Variants in TMEM41B observed in about 807,000 individuals in gnomAD.
TMEM41B encodes the protein protein stasimon.
TMEM41B carries 18 observed loss-of-function variants against 31.9 expected under a neutral mutation model. The observed-to-expected ratio is 0.56, with a 90% CI of 0.39 to 0.84. The LOEUF is 0.84. Among genes scored for constraint, TMEM41B ranks in the 40% least tolerant of loss-of-function variants. The pLI, the probability that TMEM41B is intolerant of heterozygous loss-of-function variation, is 0.00. For synonymous variants in TMEM41B, 144 were observed against 124.3 expected, an observed-to-expected ratio of 1.16 and a Z score of -1.05; for missense variants, 322 against 348.0, an observed-to-expected ratio of 0.93 and a Z score of 0.59.
intron 3 of TMEM41B, among the ~76,000 whole-genome samples, chr11:9,288,777 G>T (rs1036351396): frequency 1.3e-5 from 2 of 152,032 alleles, no homozygotes; most frequent in African/African-American, 4.8e-5. Context: ...GGGCACTTTG[G>T]GGGAGGAACA....
chr11:9,291,402 TA>T (rs1852956248), intron 3 of TMEM41B, among the ~76,000 whole-genome samples: 1 of 90,894 alleles, frequency 1.1e-5, no homozygotes. Flanking sequence ...ATAATAATAA[TA>T]AAAATAAATT....
In TMEM41B at chr11:9,301,287, T is replaced by C. The variant is rs576333396; in HGVS notation, c.122-1586A>G. 2.1e-4 allele frequency among the ~76,000 whole-genome samples: 32 copies of C among 151,164 alleles called. 1 individual carries two copies. Among genetic ancestry groups the C allele is most frequent in the Non-Finnish European group, 7.4e-5 (5 of 67,678 alleles). On this transcript the variant is annotated intron_variant, in intron 1 of 6. Transcript: ENST00000528080. The stretch of plus-strand genomic sequence containing the variant: ...GTGGGCGCCTGTAGTCCCAGCTACT[T>C]GGGAGGCTGGGGCAGGAGAATGGCA...
At position 9,314,375 on chromosome 11, in the gene TMEM41B, C is replaced by CG; in HGVS notation, c.66dup (p.Gly23ArgfsTer51). ...GCGAGACCCCGCGTCCCCGCTGCCC[C>CG]GTCCCCCACGGGGGTCGTGTGGTGA... is the stretch of plus-strand genomic sequence containing the variant. On this transcript the variant is annotated frameshift_variant, in exon 1 of 7. Coordinates refer to ENST00000528080, the MANE Select transcript of TMEM41B (RefSeq NM_015012.4). LOFTEE classifies it high-confidence loss of function. 6.3e-7 allele frequency: 1 copy of CG among 1,581,314 alleles called. No individual in the cohort carries two copies. The highest frequency in any genetic ancestry group is 8.6e-7 in the Non-Finnish European group (1 of 1,164,566).
intron 1 of TMEM41B, among the ~76,000 whole-genome samples, chr11:9,312,915 A>G (rs1018057397): frequency 6.7e-6 from 1 of 149,652 alleles, no homozygotes; most frequent in Admixed American, 6.7e-5. Flanking sequence ...AAAAAAAAAA[A>G]AAAAAAAAGA....
At chr11:9,299,314 A>G (rs1282111825) in intron 2 of TMEM41B, among the ~76,000 whole-genome samples, 1 of 68,746 alleles carries the variant, frequency 1.5e-5, no homozygotes, top group Non-Finnish European at 3.1e-5. Flanking sequence ...AAGAAAGTAT[A>G]TATACATACA....
In TMEM41B at chr11:9,280,790, G is replaced by C. The variant is rs1205546742; in HGVS notation, c.*2634C>G. On this transcript the variant is annotated 3_prime_UTR_variant, in exon 7 of 7. Coordinates refer to ENST00000528080, the MANE Select transcript of TMEM41B (RefSeq NM_015012.4). ...AAGAAAGAACAGTTTCACTTTCTTA[G>C]CTTGTCAACTCCTAGTTAGCCTGCT... 2 of 152,194 alleles carry C rather than the reference G, an allele frequency of 1.3e-5. No homozygotes were observed. Among genetic ancestry groups the C allele is most frequent in the African/African-American group, 4.8e-5 (2 of 41,456 alleles). The allele number at this position is 152,194 out of a possible 1,614,324, so 9.4% of individuals were successfully genotyped here. A position where few individuals can be genotyped will look rare whatever the true frequency, so the allele number is the denominator to read the frequency against.
chr11:9,301,716 T>C (rs1343538334), intron 1 of TMEM41B, among the ~76,000 whole-genome samples: 1 of 152,184 alleles, frequency 6.6e-6, no homozygotes, highest in African/African-American at 2.4e-5. Flanking sequence ...AAATCATTAC[T>C]GGCTGACCAG....
chr11:9,283,675 T>C, intron 6 of TMEM41B, 82 bp from the exon 7 acceptor site: 2 of 1,242,540 alleles, frequency 1.6e-6, no homozygotes, highest in Middle Eastern at 2.3e-4. Flanking sequence ...GCATAAAGTT[T>C]CTTAAAACAA....
At position 9,283,520 on chromosome 11, in the gene TMEM41B, A is replaced by G; in HGVS notation, c.780T>C (p.Ala260=). ...TLYQLTTAGE[A]VSWNSIFILM... is the part of the protein sequence containing the mutation. ...GAATAAATATTGAGTTCCAGGAAAC[A>G]GCTTCTCCTGCTGTTGTAAGTTGAT... Residue 260 remains alanine (A), a synonymous_variant, in exon 7 of 7, where the codon GCT becomes GCC. Coordinates refer to ENST00000528080, the MANE Select transcript of TMEM41B (RefSeq NM_015012.4). 1 of 1,613,700 alleles carries G rather than the reference A, an allele frequency of 6.2e-7. No homozygotes were observed. Among genetic ancestry groups the G allele is most frequent in the Non-Finnish European group, 8.5e-7 (1 of 1,179,846 alleles).
At position 9,303,073 on chromosome 11, in the gene TMEM41B, G is replaced by A. The variant is rs1427220493; in HGVS notation, c.122-3372C>T. Among the ~76,000 whole-genome samples, 2 of 122,028 alleles carry A rather than the reference G, an allele frequency of 1.6e-5. 1 individual carries two copies. The highest frequency in any genetic ancestry group is 6.3e-5 in the African/African-American group (2 of 31,866). 80.1% of individuals were successfully genotyped at this position (122,028 alleles called of 152,430 possible). On this transcript the variant is annotated intron_variant, in intron 1 of 6. Transcript: ENST00000528080. Reference sequence around the variant, plus strand: ...GCTCTGTTGCCCAGGCTGGACTGCAGTGGCACGATCTCGGCTCACTGCAAC... The same window carrying A: ...GCTCTGTTGCCCAGGCTGGACTGCAATGGCACGATCTCGGCTCACTGCAAC...
chr11:9,287,066 G>A (rs1176561277), intron 5 of TMEM41B, among the ~76,000 whole-genome samples: 1 of 152,018 alleles, frequency 6.6e-6, no homozygotes, highest in Admixed American at 6.6e-5. Context: ...AGCACTTTGG[G>A]AGGTTGAGGC....
chr11:9,285,528 C>T (rs559705151), intron 6 of TMEM41B, among the ~76,000 whole-genome samples: 2 of 151,960 alleles, frequency 1.3e-5, no homozygotes, highest in Admixed American at 6.6e-5. Context: ...CAATTCAACT[C>T]GAACTGGAAA....
At chr11:9,307,647 G>A (rs1020667301) in intron 1 of TMEM41B, among the ~76,000 whole-genome samples, 2 of 151,996 alleles carry the variant, frequency 1.3e-5, no homozygotes. Flanking sequence ...TCTCCATGTT[G>A]GTCAGGCTGG....
intron 1 of TMEM41B, 89 bp from the exon 2 acceptor site, chr11:9,299,790 T>C: frequency 1.0e-6 from 1 of 991,052 alleles, no homozygotes; most frequent in Non-Finnish European, 1.6e-6. Flanking sequence ...TTCCAGAAAA[T>C]GGCGTGTGCT....
At chr11:9,302,093 G>A (rs1312970503) in intron 1 of TMEM41B, among the ~76,000 whole-genome samples, 1 of 109,560 alleles carries the variant, frequency 9.1e-6, no homozygotes, top group Middle Eastern at 4.2e-3. Flanking sequence ...TGCAACCTCC[G>A]CCTCCCGGGT....
chr11:9,293,498 T>C (rs1185748850), intron 3 of TMEM41B, among the ~76,000 whole-genome samples: 1 of 152,256 alleles, frequency 6.6e-6, no homozygotes, highest in Non-Finnish European at 1.5e-5. Flanking sequence ...ATTTGTGTAC[T>C]ATTTTGCCCT....
chr11:9,301,556 C>A (rs1233109717), intron 1 of TMEM41B, among the ~76,000 whole-genome samples: 1 of 152,136 alleles, frequency 6.6e-6, no homozygotes, highest in Non-Finnish European at 1.5e-5. Flanking sequence ...GCTGTCATTG[C>A]TGCTCTGCCC....
intron 2 of TMEM41B, among the ~76,000 whole-genome samples, chr11:9,297,953 T>A (rs1853139792): frequency 6.7e-6 from 1 of 149,152 alleles, no homozygotes; most frequent in South Asian, 2.1e-4. Flanking sequence ...TACTCCTACC[T>A]ACTCGGGAAA....
At chr11:9,287,837 G>T (rs1218249246) in intron 4 of TMEM41B, 31 bp from the exon 5 acceptor site, 1 of 1,510,602 alleles carries the variant, frequency 6.6e-7, no homozygotes, top group East Asian at 2.3e-5. Context: ...TAAGCGTTTT[G>T]TATTTTTCCG....
Sources: gnomAD v4.1 joint callset for allele counts (sites outside exome capture counted in the v4.1 genomes callset) on GRCh38, gnomAD v4.1.1 for gene constraint, MANE v1.5 for transcripts, NCBI Gene and HGNC (gene_info 2026-07-23, HGNC 2026-07-21) for gene names.